Variants in GPR139 observed in about 807,000 individuals in gnomAD.
GPR139 encodes probable G protein-coupled receptor 139.
In GPR139, 12 loss-of-function variants were observed where a neutral mutation model predicts 25.8. That is an observed-to-expected ratio of 0.47 (90% CI 0.30 to 0.75). The LOEUF is 0.75. Among genes scored for constraint, GPR139 ranks in the 30% least tolerant of loss-of-function variants. GPR139 has a pLI of 0.07. For missense variants in GPR139, 380 were observed against 450.2 expected (o/e 0.84, Z 1.41); for synonymous variants, 184 against 179.9 (o/e 1.02, Z -0.18).
At chr16:20,070,244 T>A (rs1391518461) in intron 1 of GPR139, among the ~76,000 whole-genome samples, 2 of 152,142 alleles carry the variant, frequency 1.3e-5, no homozygotes, top group Admixed American at 6.6e-5. Context: ...CGCAGAGGTG[T>A]GGCAGGGATT....
chr16:20,051,506 G>A (rs1216384448), intron 1 of GPR139, among the ~76,000 whole-genome samples: 1 of 152,192 alleles, frequency 6.6e-6, no homozygotes, highest in African/African-American at 2.4e-5. Context: ...ACGTGGACAG[G>A]CAGGGAACAG....
chr16:20,068,362 G>C (rs917316677), intron 1 of GPR139, among the ~76,000 whole-genome samples: 3 of 151,982 alleles, frequency 2.0e-5, no homozygotes, highest in African/African-American at 7.3e-5. Context: ...GTTTTTAAGG[G>C]AACTTGGAAA....
Position 20,073,655 on chromosome 16 carries a change from C to G in GPR139, c.-39G>C. 6.6e-7 allele frequency: 1 copy of G among 1,523,158 alleles called. No homozygotes were observed. Among genetic ancestry groups the G allele is most frequent in the Non-Finnish European group, 8.8e-7 (1 of 1,134,100 alleles). 94.4% of individuals were successfully genotyped at this position (1,523,158 alleles called of 1,614,324 possible). On this transcript the variant is annotated 5_prime_UTR_variant, in exon 1 of 2. Coordinates refer to ENST00000570682, the MANE Select transcript of GPR139 (RefSeq NM_001002911.4). This position sits in a 1 kb window ranked among gnomAD's most constrained non-coding sequence, Gnocchi z 4.7. ...GCTCCCCTTGCCGCTTCGCGCCCGG[C>G]CTGCCAGCCCGACTCTGGTCGCCGG...
intron 1 of GPR139, chr16:20,071,037 G>C (rs2057457802): frequency 1.0e-6 from 1 of 979,302 alleles, no homozygotes; most frequent in Non-Finnish European, 1.2e-6. Flanking sequence ...GACCACAGCA[G>C]TGCAGTGTCA....
rs1336887581 is a variant in GPR139 at position 20,029,065 on chromosome 16, T to C, written c.*2670A>G. 6.6e-6 allele frequency among the ~76,000 whole-genome samples: 1 copy of C among 152,214 alleles called. No homozygotes were observed. The highest frequency in any genetic ancestry group is 1.5e-5 in the Non-Finnish European group (1 of 68,040). On this transcript the variant is annotated 3_prime_UTR_variant, in exon 2 of 2. Coordinates refer to ENST00000570682, the MANE Select transcript of GPR139 (RefSeq NM_001002911.4). ...AGTTTGAAATAAATTTTAAGAGATATGAATCAACCTAACCCAATGGGCATT... is the reference window on the plus strand; with the variant it reads ...AGTTTGAAATAAATTTTAAGAGATACGAATCAACCTAACCCAATGGGCATT...
At position 20,031,111 on chromosome 16, in the gene GPR139, T is replaced by G. The variant is rs1272170092; in HGVS notation, c.*624A>C. On this transcript the variant is annotated 3_prime_UTR_variant, in exon 2 of 2. Coordinates refer to ENST00000570682, the MANE Select transcript of GPR139 (RefSeq NM_001002911.4). ...AGGTTTGAGGTCACAGCTATGCGGG[T>G]TTGGAGATTTCCTGAAGAAGCTCTG... Among the ~76,000 whole-genome samples, 1 of 152,028 alleles carries G rather than the reference T, an allele frequency of 6.6e-6. No homozygotes were observed. The highest frequency in any genetic ancestry group is 1.5e-5 in the Non-Finnish European group (1 of 68,012).
chr16:20,033,922 G>GCATAACCCAGCT (rs2057300712), intron 1 of GPR139, among the ~76,000 whole-genome samples: 4 of 151,070 alleles, frequency 2.6e-5, no homozygotes, highest in Non-Finnish European at 5.9e-5. Context: ...CAGCAGCAAT[G>GCATAACCCAGCT]TTTTATTTTT....
chr16:20,046,735 G>A (rs1365911304), intron 1 of GPR139, among the ~76,000 whole-genome samples: 1 of 152,136 alleles, frequency 6.6e-6, no homozygotes, highest in Non-Finnish European at 1.5e-5. Flanking sequence ...GAATGGTAGG[G>A]ACTGTGAGTA....
At chr16:20,069,876 T>C (rs2141216810) in intron 1 of GPR139, among the ~76,000 whole-genome samples, 1 of 152,310 alleles carries the variant, frequency 6.6e-6, no homozygotes, top group East Asian at 1.9e-4. Flanking sequence ...CCAATGAGTG[T>C]CCCAAATCCT....
chr16:20,034,405 T>G (rs1442142801), intron 1 of GPR139, among the ~76,000 whole-genome samples: 1 of 152,372 alleles, frequency 6.6e-6, no homozygotes, highest in Middle Eastern at 3.4e-3. Flanking sequence ...GAAATGACAC[T>G]ATAGATACAG....
intron 1 of GPR139, among the ~76,000 whole-genome samples, chr16:20,053,669 G>A (rs543244184): frequency 3.9e-5 from 6 of 152,304 alleles, no homozygotes; most frequent in Non-Finnish European, 7.4e-5. Flanking sequence ...GAGTGGATAA[G>A]CATTAGACAA....
At chr16:20,070,992 C>T in intron 1 of GPR139, 1 of 985,476 alleles carries the variant, frequency 1.0e-6, no homozygotes. Context: ...AGCAGACCGC[C>T]CTCCTTACAA....
At chr16:20,041,140 GGAGAGGAGA>G in intron 1 of GPR139, among the ~76,000 whole-genome samples, 1 of 454 alleles carries the variant, frequency 2.2e-3, no homozygotes, top group Non-Finnish European at 0.011. Flanking sequence ...GGAGAGGAGA[GGAGAGGAGA>G]CGAGAGGGGA....
rs1264687495 is a variant in GPR139 at position 20,029,135 on chromosome 16, C to T, written c.*2600G>A. On this transcript the variant is annotated 3_prime_UTR_variant, in exon 2 of 2. Transcript: ENST00000570682. ...AGACAGCAATTCACTACAGTGCCTT[C>T]AAGAATTGGACCTCTTTTAAATATC... 3.3e-5 allele frequency among the ~76,000 whole-genome samples: 5 copies of T among 152,228 alleles called. No homozygotes were observed. Among genetic ancestry groups the T allele is most frequent in the South Asian group, 2.1e-4 (1 of 4,816 alleles).
intron 1 of GPR139, among the ~76,000 whole-genome samples, chr16:20,049,286 G>C (rs1394726550): frequency 6.6e-6 from 1 of 152,164 alleles, no homozygotes; most frequent in African/African-American, 2.4e-5. Flanking sequence ...ACATCCATCT[G>C]TTTGCTGTCA....
chr16:20,051,729 G>A (rs998644074), intron 1 of GPR139, among the ~76,000 whole-genome samples: 11 of 152,174 alleles, frequency 7.2e-5, no homozygotes, highest in African/African-American at 2.7e-4. Flanking sequence ...CAGAGAAAGC[G>A]GCTTCCAACC....
At chr16:20,064,761 A>G (rs536431195) in intron 1 of GPR139, among the ~76,000 whole-genome samples, 3 of 152,320 alleles carry the variant, frequency 2.0e-5, no homozygotes, top group Middle Eastern at 3.4e-3. Flanking sequence ...CCAGAGCCCC[A>G]TTAACAGGAA....
chr16:20,032,127 C>T lies in GPR139; in HGVS notation c.670G>A (p.Gly224Arg). ...SNFRLRGYST[G>R]KTTAILFTIT... is the part of the protein sequence containing the mutation. ...GTGAACAAGATGGCGGTGGTCTTCC[C>T]CGTGGAGTAGCCACGGAGACGAAAA... The change falls in exon 2 of 2, where the codon GGG becomes AGG. Residue 224 changes from glycine (G) to arginine (R), a missense_variant. Physicochemically the swap from Gly to Arg is moderately radical, Grantham distance 125. Transcript: ENST00000570682. 1 of 1,614,122 alleles carries T rather than the reference C, an allele frequency of 6.2e-7. No individual in the cohort carries two copies. Among genetic ancestry groups the T allele is most frequent in the Non-Finnish European group, 8.5e-7 (1 of 1,180,042 alleles).
intron 1 of GPR139, among the ~76,000 whole-genome samples, chr16:20,049,537 C>T (rs898849678): frequency 6.6e-6 from 1 of 152,126 alleles, no homozygotes; most frequent in Non-Finnish European, 1.5e-5. Context: ...ATTTAATGTG[C>T]GAAATCATCT....
Sources: gnomAD v4.1 joint callset for allele counts (sites outside exome capture counted in the v4.1 genomes callset) on GRCh38, gnomAD v4.1.1 for gene constraint, Gnocchi (gnomAD v3.1) non-coding constraint, MANE v1.5 for transcripts, NCBI Gene and HGNC (gene_info 2026-07-23, HGNC 2026-07-21) for gene names.